ZNF536: variants seen among roughly 807,000 people sequenced by gnomAD.
ZNF536 encodes the protein zinc finger protein 536.
Under a neutral mutation model 84.5 loss-of-function variants are expected in ZNF536, and 13 were observed. The ratio of observed to expected loss-of-function variants is 0.15; its 90% CI spans 0.10 to 0.24. The LOEUF (loss-of-function observed/expected upper bound fraction) is 0.24, where lower values mean the gene tolerates loss of function less well. ZNF536 is among the 10% of genes least tolerant of loss of function. The pLI, the probability that ZNF536 is intolerant of heterozygous loss-of-function variation, is 1.00. For synonymous variants in ZNF536, 811 were observed against 742.5 expected, an observed-to-expected ratio of 1.09 and a Z score of -1.50; for missense variants, 1,536 against 1,747.5, an observed-to-expected ratio of 0.88 and a Z score of 2.16.
chr19:30,590,470 G>T (rs1377351053), intron 1 of ZNF536, among the ~76,000 whole-genome samples: 4 of 152,334 alleles, frequency 2.6e-5, no homozygotes, highest in Non-Finnish European at 4.4e-5. Flanking sequence ...GGCCTTCAAA[G>T]CCTTTGTCTT....
intron 1 of ZNF536, among the ~76,000 whole-genome samples, chr19:30,230,621 C>A (rs548371106): frequency 1.3e-5 from 2 of 152,134 alleles, no homozygotes; most frequent in Non-Finnish European, 2.9e-5. Flanking sequence ...TAGAAGGTGC[C>A]GCCCGACTTC....
At position 30,617,366 on chromosome 19, in the gene ZNF536, T is replaced by TTTTTTTTTTTTTA. The variant is rs869281886; in HGVS notation, c.169+67852_169+67853insTTTTTTTTTTTTA. On this transcript the variant is annotated intron_variant, in intron 1 of 1. Coordinates refer to the ZNF536 transcript ENST00000592773. ...TTTTTTTTTTTTTTTTTTTTTTTTT[T>TTTTTTTTTTTTTA]ATGAGATGGAGTCTGACTCTGTCAC... Among the ~76,000 whole-genome samples the TTTTTTTTTTTTTA allele has an allele frequency of 6.6e-4, 77 of 115,962 alleles. 3 individuals are homozygous for TTTTTTTTTTTTTA. The highest frequency in any genetic ancestry group is 1.2e-3 in the Non-Finnish European group (69 of 55,732). The allele number at this position is 115,962 out of a possible 152,430, so 76.1% of individuals were successfully genotyped here.
chr19:30,296,764 T>C (rs945596239), intron 2 of ZNF536, among the ~76,000 whole-genome samples: 3 of 152,160 alleles, frequency 2.0e-5, no homozygotes, highest in African/African-American at 7.2e-5. Flanking sequence ...AGCCTTCTGG[T>C]TGGAGGAAGG....
chr19:30,661,078 T>C (rs1317032764), intron 1 of ZNF536, among the ~76,000 whole-genome samples: 3 of 152,254 alleles, frequency 2.0e-5, no homozygotes, highest in African/African-American at 7.2e-5. Context: ...GGAAGTCTTC[T>C]ATTTAAACAA....
At chr19:30,261,025 G>A (rs558849111) in intron 1 of ZNF536, among the ~76,000 whole-genome samples, 10 of 151,768 alleles carry the variant, frequency 6.6e-5, no homozygotes, top group East Asian at 5.8e-4. Context: ...GCGGCCGGGC[G>A]CGGTGGCTCA....
chr19:30,635,606 G>A (rs1388284532), intron 1 of ZNF536, among the ~76,000 whole-genome samples: 1 of 152,154 alleles, frequency 6.6e-6, no homozygotes, highest in Non-Finnish European at 1.5e-5. Context: ...GTTCTCTGGA[G>A]GCCCCAAGAG....
At chr19:30,356,916 C>A (rs1312918893) in intron 3 of ZNF536, among the ~76,000 whole-genome samples, 1 of 152,194 alleles carries the variant, frequency 6.6e-6, no homozygotes, top group Non-Finnish European at 1.5e-5. Flanking sequence ...GACCTCAGAG[C>A]CTGATCCCTT....
chr19:30,304,015 G>T (rs944857525), intron 2 of ZNF536, among the ~76,000 whole-genome samples: 3 of 152,190 alleles, frequency 2.0e-5, no homozygotes, highest in African/African-American at 7.2e-5. Context: ...TGGTGGGTAG[G>T]CAGCGGTCTC....
At chr19:30,355,295 C>T (rs1793242817) in intron 3 of ZNF536, among the ~76,000 whole-genome samples, 1 of 152,096 alleles carries the variant, frequency 6.6e-6, no homozygotes, top group South Asian at 2.1e-4. Context: ...TTTAAACAAC[C>T]AGATCTTGTG....
chr19:30,445,708 C>T lies in ZNF536; in HGVS notation c.2146C>T (p.His716Tyr), dbSNP rs1487282773. 5 of 1,573,284 alleles carry T rather than the reference C, an allele frequency of 3.2e-6. No homozygotes were observed. The highest frequency in any genetic ancestry group is 4.3e-6 in the Non-Finnish European group (5 of 1,158,830). Residue 716 changes from histidine (H) to tyrosine (Y), a missense_variant, in exon 2 of 5, where the codon CAC becomes TAC. His to Tyr is a moderately conservative substitution (Grantham distance 83, BLOSUM62 2). This residue lies in a region of ZNF536 where 148 missense variants were observed against 205.4 expected (regional missense o/e 0.72). Coordinates refer to ENST00000355537, the MANE Select transcript of ZNF536 (RefSeq NM_014717.3). The surrounding 1 kb of genome is among the most constrained non-coding windows in gnomAD (Gnocchi z 4.5). ...CGGGAGTGCCCAGGAGGACAGCCCG[C>T]ACCCCTCCTCGCCATCCTCCTCAGG... Reference protein sequence around the residue: ...QTGSAQEDSPHPSSPSSSDIG... With the variant: ...QTGSAQEDSPYPSSPSSSDIG...
intron 1 of ZNF536, among the ~76,000 whole-genome samples, chr19:30,442,369 A>G (rs949005173): frequency 1.3e-5 from 2 of 152,240 alleles, no homozygotes; most frequent in Non-Finnish European, 2.9e-5. Flanking sequence ...TGTTTAACAA[A>G]CAACTTTGAG....
At chr19:30,399,073 C>T (rs567929739) in intron 1 of ZNF536, among the ~76,000 whole-genome samples, 8 of 152,276 alleles carry the variant, frequency 5.3e-5, no homozygotes, top group Non-Finnish European at 1.2e-4. Context: ...TGCTCTCTAA[C>T]GTGTGTTGTT....
chr19:30,516,457 G>A (rs1450355883), intron 2 of ZNF536, among the ~76,000 whole-genome samples: 1 of 152,238 alleles, frequency 6.6e-6, no homozygotes, highest in Admixed American at 6.5e-5. Flanking sequence ...ACTTAAGTGA[G>A]ACAATGAGGC....
At chr19:30,402,841 T>G (rs1280071715) in intron 1 of ZNF536, among the ~76,000 whole-genome samples, 1 of 112,676 alleles carries the variant, frequency 8.9e-6, no homozygotes, top group African/African-American at 2.8e-5. Context: ...AAAATTTGAT[T>G]TAAACTAAAC....
At chr19:30,363,264 A>T (rs1313699782) in intron 3 of ZNF536, among the ~76,000 whole-genome samples, 3 of 152,166 alleles carry the variant, frequency 2.0e-5, no homozygotes, top group African/African-American at 7.2e-5. Context: ...TGCACCTAGC[A>T]TCGGCAGCAT....
chr19:30,335,901 C>T (rs890126920), intron 2 of ZNF536, among the ~76,000 whole-genome samples: 8 of 152,052 alleles, frequency 5.3e-5, no homozygotes, highest in Non-Finnish European at 8.8e-5. Context: ...CAAGGAGTGG[C>T]CCTGGCTCAG....
At chr19:30,594,910 C>A (rs1368175485) in intron 1 of ZNF536, among the ~76,000 whole-genome samples, 2 of 152,170 alleles carry the variant, frequency 1.3e-5, no homozygotes, top group East Asian at 1.9e-4. Context: ...TGTCCCCCAG[C>A]TGCCCCGAAG....
At chr19:30,488,213 A>C in intron 2 of ZNF536, among the ~76,000 whole-genome samples, 1 of 152,094 alleles carries the variant, frequency 6.6e-6, no homozygotes, top group African/African-American at 2.4e-5. Flanking sequence ...CCCAGTTTGG[A>C]CCCAGATGTA....
chr19:30,382,892 A>G (rs1454529799), intron 1 of ZNF536, among the ~76,000 whole-genome samples: 1 of 152,198 alleles, frequency 6.6e-6, no homozygotes, highest in African/African-American at 2.4e-5. Flanking sequence ...TAAACCAGGG[A>G]GCTACTCTTC....
Sources: allele counts gnomAD v4.1 joint callset (sites outside exome capture counted in the v4.1 genomes callset), GRCh38; gene constraint gnomAD v4.1.1; regional missense constraint gnomAD v4.1.1; non-coding constraint Gnocchi (gnomAD v3.1); transcripts MANE v1.5; gene names NCBI Gene and HGNC (gene_info 2026-07-23, HGNC 2026-07-21).